The following RPS6KA1 variants were observed in gnomAD, a reference collection of about 807,000 sequenced individuals.
RPS6KA1 encodes the protein ribosomal protein S6 kinase A1, also known as ribosomal protein S6 kinase alpha-1.
Under a neutral mutation model 91.3 loss-of-function variants are expected in RPS6KA1, and 48 were observed. The observed-to-expected ratio is 0.53, with a 90% CI of 0.42 to 0.67. RPS6KA1 has a LOEUF of 0.67. Among genes scored for constraint, RPS6KA1 ranks in the 30% least tolerant of loss-of-function variants. The pLI is 0.00. For synonymous variants in RPS6KA1, 359 were observed against 384.7 expected (o/e 0.93, Z 0.78); for missense variants, 719 against 960.5 (o/e 0.75, Z 3.32).
At chr1:26,530,908 A>G (rs1327417342) in intron 1 of RPS6KA1, 9 of 1,252,760 alleles carry the variant, frequency 7.2e-6, no homozygotes, top group Non-Finnish European at 9.3e-6. Context: ...AGCAGGTGAT[A>G]TTCTCCTTCC....
chr1:26,555,367 C>T lies in RPS6KA1; in HGVS notation c.827+146C>T, dbSNP rs11247964. The stretch of plus-strand genomic sequence containing the variant: ...GGGTTAAACATTATACCTTCCAGAG[C>T]CCCTCTTTCATCCCTGGGGGCCTGT... On this transcript the variant is annotated intron_variant, in intron 10 of 21. Coordinates refer to ENST00000374168, the MANE Select transcript of RPS6KA1 (RefSeq NM_002953.4). This position sits in a 1 kb window ranked among gnomAD's most constrained non-coding sequence, Gnocchi z 4.3. 0.13 allele frequency: 126,357 copies of T among 1,003,264 alleles called. 9,491 individuals are homozygous for T. Among genetic ancestry groups the T allele is most frequent in the Non-Finnish European group, 0.15 (97,842 of 668,074 alleles). 62.1% of individuals were successfully genotyped at this position (1,003,264 alleles called of 1,614,324 possible).
At position 26,543,162 on chromosome 1, in the gene RPS6KA1, A is replaced by T. The variant is rs534137499; in HGVS notation, c.109-3705A>T. 4.6e-6 allele frequency: 7 copies of T among 1,535,686 alleles called. No homozygotes were observed. The Admixed American group carries it at 7.8e-5, about 17-fold the overall frequency. ...TCTGGTCACCGGCTTGAGCCCCACC[A>T]TGCAGACCCCAGCAGATTTCCCCAG... On this transcript the variant is annotated intron_variant, in intron 2 of 21. Coordinates refer to ENST00000374168, the MANE Select transcript of RPS6KA1 (RefSeq NM_002953.4).
Position 26,537,531 on chromosome 1 carries a change from G to C in RPS6KA1, c.108+562G>C, listed in dbSNP as rs538093682. 2.9e-4 allele frequency among the ~76,000 whole-genome samples: 44 copies of C among 152,276 alleles called. 1 individual carries two copies. Among genetic ancestry groups the C allele is most frequent in the African/African-American group, 1.0e-3 (42 of 41,558 alleles). ...CTGGGCCCCTTCCTGTAGCCCCCTA[G>C]CCCCTGTTGCTGGTTTTGTGTTTTG... On this transcript the variant is annotated intron_variant, in intron 2 of 21. Coordinates refer to ENST00000374168, the MANE Select transcript of RPS6KA1 (RefSeq NM_002953.4).
At chr1:26,573,976 G>T in intron 21 of RPS6KA1, 103 bp from the exon 22 acceptor site, 1 of 1,300,828 alleles carries the variant, frequency 7.7e-7, no homozygotes. Context: ...CAAAAAAAGT[G>T]GGCTGTGGAA....
chr1:26,540,786 AC>A lies in RPS6KA1; in HGVS notation c.108+3818del, dbSNP rs1448501869. On this transcript the variant is annotated intron_variant, in intron 2 of 21. Transcript: ENST00000374168. The surrounding 1 kb of genome is among the most constrained non-coding windows in gnomAD (Gnocchi z 4.2). Reference sequence around the variant, plus strand: ...GGCAACACAGGGAGACCCATCCTCTACAAAAAACAAAATTTTTTTTTGAGAT... The same window carrying A: ...GGCAACACAGGGAGACCCATCCTCTAAAAAAACAAAATTTTTTTTTGAGAT... Among the ~76,000 whole-genome samples, 3 of 152,046 alleles carry A rather than the reference AC, an allele frequency of 2.0e-5. No homozygotes were observed. The highest frequency in any genetic ancestry group is 7.2e-5 in the African/African-American group (3 of 41,392).
Position 26,529,881 on chromosome 1 carries a change from G to A in RPS6KA1, c.-40G>A, listed in dbSNP as rs1200427825. The A allele has an allele frequency of 3.6e-6, 5 of 1,395,970 alleles. No individual in the cohort carries two copies. The highest frequency in any genetic ancestry group is 4.7e-6 in the Non-Finnish European group (5 of 1,070,368). 86.5% of individuals were successfully genotyped at this position (1,395,970 alleles called of 1,614,324 possible). A position where few individuals can be genotyped will look rare whatever the true frequency, so the allele number is the denominator to read the frequency against. On this transcript the variant is annotated 5_prime_UTR_variant, in exon 1 of 22. Transcript: ENST00000374168. The surrounding 1 kb of genome is among the most constrained non-coding windows in gnomAD (Gnocchi z 4.2). ...CCAGGACCCGGGAGGCGGCGCAGCC[G>A]GGGCCGCCGGAGGAGCGCGGGTGAC...
At position 26,555,295 on chromosome 1, in the gene RPS6KA1, T is replaced by C. The variant is rs541442278; in HGVS notation, c.827+74T>C. 6.8e-5 allele frequency: 98 copies of C among 1,442,456 alleles called. No homozygotes were observed. In the Middle Eastern group the frequency reaches 6.9e-4, roughly 10 times the overall value. 89.4% of individuals were successfully genotyped at this position (1,442,456 alleles called of 1,614,324 possible). ...CCCCAGTTTGGGGGTCAGAATATTA[T>C]TACCCTGTCCCTGCCTCAGCTACCC... On this transcript the variant is annotated intron_variant, in intron 10 of 21. Coordinates refer to ENST00000374168, the MANE Select transcript of RPS6KA1 (RefSeq NM_002953.4). The surrounding 1 kb of genome is among the most constrained non-coding windows in gnomAD (Gnocchi z 4.3).
chr1:26,547,251 G>A lies in RPS6KA1; in HGVS notation c.288G>A (p.Leu96=). ...GGCACCTGTATGCTATGAAGGTGCT[G>A]AAGAAGGCAACGCTGAAAGGTGAGT... ...DSGHLYAMKV[L]KKATLKVRDR... is the part of the protein sequence containing the mutation. Residue 96 remains leucine (L), a synonymous_variant, in exon 4 of 22, where the codon CTG becomes CTA. Coordinates refer to ENST00000374168, the MANE Select transcript of RPS6KA1 (RefSeq NM_002953.4). The surrounding 1 kb of genome is among the most constrained non-coding windows in gnomAD (Gnocchi z 4.1). 1 of 1,613,964 alleles carries A rather than the reference G, an allele frequency of 6.2e-7. No individual in the cohort carries two copies. Among genetic ancestry groups the A allele is most frequent in the Non-Finnish European group, 8.5e-7 (1 of 1,179,978 alleles).
In RPS6KA1 at chr1:26,574,206, C is replaced by G. The variant is rs1253517532; in HGVS notation, c.*5C>G. 1.2e-6 allele frequency: 2 copies of G among 1,613,966 alleles called. No homozygotes were observed. The highest frequency in any genetic ancestry group is 2.7e-5 in the African/African-American group (2 of 74,936). ...TTGCCATCCACCACCCTGTGAGGCA[C>G]CAGGGCATTCGGGCCACAGGGCGGT... On this transcript the variant is annotated 3_prime_UTR_variant, in exon 22 of 22. Transcript: ENST00000374168. This position sits in a 1 kb window ranked among gnomAD's most constrained non-coding sequence, Gnocchi z 4.3.
At chr1:26,557,798 C>T (rs950345511) in intron 13 of RPS6KA1, among the ~76,000 whole-genome samples, 1 of 134,042 alleles carries the variant, frequency 7.5e-6, no homozygotes. Context: ...CCTCCCCTCC[C>T]CTCCCCTCCC....
chr1:26,556,525 GC>G (rs2076103001), intron 11 of RPS6KA1, 128 bp from the exon 12 acceptor site: 1 of 892,708 alleles, frequency 1.1e-6, no homozygotes, highest in Non-Finnish European at 1.8e-6. Context: ...TAGATTTGAG[GC>G]TGAGTGAGCC....
intron 2 of RPS6KA1, chr1:26,542,997 C>G (rs1257424291): frequency 1.5e-6 from 1 of 686,890 alleles, no homozygotes; most frequent in African/African-American, 1.8e-5. Flanking sequence ...CTGCAGTGTC[C>G]CCTCCTCTAT....
At chr1:26,560,397 G>A (rs1255622638) in intron 14 of RPS6KA1, among the ~76,000 whole-genome samples, 1 of 152,226 alleles carries the variant, frequency 6.6e-6, no homozygotes, top group East Asian at 1.9e-4. Context: ...CAGGGCTCCT[G>A]CGTCCCTCCC....
chr1:26,574,421 A>T lies in RPS6KA1; in HGVS notation c.*220A>T. The T allele has an allele frequency of 1.3e-6, 1 of 757,758 alleles. No homozygotes were observed. The highest frequency in any genetic ancestry group is 2.5e-6 in the Non-Finnish European group (1 of 407,162). The allele number at this position is 757,758 out of a possible 1,614,324, so 46.9% of individuals were successfully genotyped here. On this transcript the variant is annotated 3_prime_UTR_variant, in exon 22 of 22. Coordinates refer to ENST00000374168, the MANE Select transcript of RPS6KA1 (RefSeq NM_002953.4). The surrounding 1 kb of genome is among the most constrained non-coding windows in gnomAD (Gnocchi z 4.3). ...AGGCTCTGCTGGTGGAAAGCGATTC[A>T]CTGTATAAACTTTTTTTTATGAAAA...
intron 2 of RPS6KA1, chr1:26,543,006 A>G (rs2075960461): frequency 6.6e-6 from 5 of 756,208 alleles, no homozygotes; most frequent in African/African-American, 1.8e-5. Flanking sequence ...CCCCTCCTCT[A>G]TAGAGGAGCC....
At chr1:26,556,402 G>A (rs1236694074) in intron 11 of RPS6KA1, among the ~76,000 whole-genome samples, 2 of 152,226 alleles carry the variant, frequency 1.3e-5, no homozygotes, top group Non-Finnish European at 2.9e-5. Flanking sequence ...TGGAGAAGTT[G>A]CCTAAAGTCT....
intron 2 of RPS6KA1, 108 bp from the exon 3 acceptor site, chr1:26,546,759 G>C: frequency 1.3e-6 from 1 of 775,622 alleles, no homozygotes. Flanking sequence ...CGTCTATTGG[G>C]CCTTTAGGTT....
rs1266667021 is a variant in RPS6KA1, at chr1:26,554,207, A to G, written c.576-7A>G. ...GAGGGGCCCTGACCACTATTTCTCT[A>G]TTACAGCATCCTTCTGGATGAGGAG... On this transcript the variant is annotated splice_region_variant and splice_polypyrimidine_tract_variant and intron_variant, in intron 7 of 21. Transcript: ENST00000374168. The surrounding 1 kb of genome is among the most constrained non-coding windows in gnomAD (Gnocchi z 4.6). 4 of 1,553,742 alleles carry G rather than the reference A, an allele frequency of 2.6e-6. No individual in the cohort carries two copies. The highest frequency in any genetic ancestry group is 2.4e-5 in the East Asian group (1 of 41,236).
At chr1:26,533,548 A>G (rs1229328955) in intron 1 of RPS6KA1, among the ~76,000 whole-genome samples, 1 of 152,152 alleles carries the variant, frequency 6.6e-6, no homozygotes, top group Non-Finnish European at 1.5e-5. Flanking sequence ...TCTACTAAAA[A>G]TACAAAAATT....
Sources: gnomAD v4.1 joint callset for allele counts (sites outside exome capture counted in the v4.1 genomes callset) on GRCh38, gnomAD v4.1.1 for gene constraint, Gnocchi (gnomAD v3.1) non-coding constraint, MANE v1.5 for transcripts, NCBI Gene and HGNC (gene_info 2026-07-23, HGNC 2026-07-21) for gene names.